Variants in GGN observed in about 807,000 individuals in gnomAD.
The protein encoded by GGN is gametogenetin.
In GGN, 27 loss-of-function variants were observed where a neutral mutation model predicts 35.5. The ratio of observed to expected loss-of-function variants is 0.76; its 90% confidence interval spans 0.56 to 1.05. GGN has a LOEUF of 1.05. GGN is among the 50% of genes least tolerant of loss of function. GGN has a pLI of 0.00. For synonymous variants in GGN, 425 were observed against 444.1 expected (o/e 0.96, Z 0.54); for missense variants, 1,006 against 940.7 (o/e 1.07, Z -0.91).
intron 3 of GGN, 135 bp downstream of exon 3, chr19:38,385,286 G>T (rs1970688869): frequency 2.5e-6 from 3 of 1,206,740 alleles, no homozygotes; most frequent in Non-Finnish European, 2.3e-6. Flanking sequence ...CTGAAGGGTG[G>T]GAGCTCAGCT....
At position 38,386,750 on chromosome 19, in the gene GGN, C is replaced by T. The variant is rs1158049805; in HGVS notation, c.512G>A (p.Trp171Ter). ...AGAAGGTAATGGTGGTGGCGGCTTC[C>T]AAGTCTCCAGGGGCGGCGGAAATTG... The part of the protein sequence containing the change: ...PSQFPPPLET[W>*]KPPPPLPSER... Residue 171 changes from tryptophan (W) to a stop codon, truncating the protein, a stop_gained, in exon 3 of 4, where the codon TGG becomes TAG. Coordinates refer to ENST00000334928, the MANE Select transcript of GGN (RefSeq NM_152657.4). LOFTEE classifies it high-confidence loss of function. 2 of 1,609,712 alleles carry T rather than the reference C, an allele frequency of 1.2e-6. No individual in the cohort carries two copies. The highest frequency in any genetic ancestry group is 1.7e-5 in the Admixed American group (1 of 59,688).
chr19:38,385,805 G>C lies in GGN; in HGVS notation c.1457C>G (p.Pro486Arg). The C allele has an allele frequency of 6.5e-7, 1 of 1,542,734 alleles. No individual in the cohort carries two copies. Among genetic ancestry groups the C allele is most frequent in the Non-Finnish European group, 8.7e-7 (1 of 1,148,708 alleles). The change falls in exon 3 of 4, where the codon CCA becomes CGA. Residue 486 changes from proline to arginine, a missense_variant. By Grantham distance (103) the Pro-to-Arg change is moderately radical. Coordinates refer to ENST00000334928, the MANE Select transcript of GGN (RefSeq NM_152657.4). ...CGGGGCCTGGTCGGCGGCTAAGGCT[G>C]GGGGCAGAGCAGGGGCTGCGGTGGG... ...LAPTAAPALP[P>R]ALAADQAPAP...
In GGN at chr19:38,385,765, A is replaced by AGCCTGGGATGGGGCCGGGGCCGGG; in HGVS notation, c.1496_1497insCCCGGCCCCGGCCCCATCCCAGGC (p.Pro502_Thr503insAlaProSerGlnAlaProAlaPro). 6.3e-7 allele frequency: 1 copy of AGCCTGGGATGGGGCCGGGGCCGGG among 1,575,742 alleles called. No homozygotes were observed. Among genetic ancestry groups the AGCCTGGGATGGGGCCGGGGCCGGG allele is most frequent in the East Asian group, 2.3e-5 (1 of 43,448 alleles). The stretch of plus-strand genomic sequence containing the variant: ...AGGGCTCAGCCACGGTGGGAGCTGG[A>AGCCTGGGATGGGGCCGGGGCCGGG]GCCGGGGATGGGGCCGGGGCCTGGT... On this transcript the variant is annotated inframe_insertion, in exon 3 of 4. Transcript: ENST00000334928.
In GGN at chr19:38,387,392, C is replaced by A; in HGVS notation, c.-19-112G>T. 1 of 1,431,716 alleles carries A rather than the reference C, an allele frequency of 7.0e-7. No individual in the cohort carries two copies. The highest frequency in any genetic ancestry group is 2.5e-5 in the East Asian group (1 of 39,800). The allele number at this position is 1,431,716 out of a possible 1,614,324, so 88.7% of individuals were successfully genotyped here. The stretch of plus-strand genomic sequence containing the variant: ...CGGCCCCGCCCCTGTTCTCCAAGAT[C>A]CGATCAGGCCCAAGTCCTTAGGTCG... On this transcript the variant is annotated intron_variant, in intron 2 of 3. Coordinates refer to ENST00000334928, the MANE Select transcript of GGN (RefSeq NM_152657.4). This position sits in a 1 kb window ranked among gnomAD's most constrained non-coding sequence, Gnocchi z 5.3.
rs763820569 is a variant in GGN, at chr19:38,387,232, C to T, written c.30G>A (p.Ala10=). 19 of 1,596,326 alleles carry T rather than the reference C, an allele frequency of 1.2e-5. No homozygotes were observed. The highest frequency in any genetic ancestry group is 1.4e-5 in the Non-Finnish European group (17 of 1,172,608). The stretch of plus-strand genomic sequence containing the variant: ...GCTGCACTTTTCGGGAGCCCCCGCC[C>T]GCGGATGGCTCCGACTGCAAGTTCC... The part of the protein sequence containing the change: MGNLQSEPS[A]GGGSRKVQPS... Residue 10 remains alanine (A), a synonymous_variant, in exon 3 of 4, where the codon GCG becomes GCA. Coordinates refer to ENST00000334928, the MANE Select transcript of GGN (RefSeq NM_152657.4). This position sits in a 1 kb window ranked among gnomAD's most constrained non-coding sequence, Gnocchi z 5.3.
At position 38,385,863 on chromosome 19, in the gene GGN, G is replaced by A. The variant is rs985036226; in HGVS notation, c.1399C>T (p.Pro467Ser). 1.3e-6 allele frequency: 2 copies of A among 1,544,780 alleles called. No homozygotes were observed. The highest frequency in any genetic ancestry group is 1.7e-6 in the Non-Finnish European group (2 of 1,148,298). The change falls in exon 3 of 4, where the codon CCG becomes TCG. Residue 467 changes from proline to serine, a missense_variant. Pro to Ser is a moderately conservative substitution (Grantham distance 74, BLOSUM62 -1). Transcript: ENST00000334928. Reference sequence around the variant, plus strand: ...GCTGACTCCTTGTGGCCCAGACCCGGGGTGAGCGGGGGAGCCACCGGCAGC... The same window carrying A: ...GCTGACTCCTTGTGGCCCAGACCCGAGGTGAGCGGGGGAGCCACCGGCAGC... ...TPLPVAPPLT[P>S]GLGHKESALA... is the part of the protein sequence containing the mutation.
chr19:38,385,586 C>T lies in GGN; in HGVS notation c.1676G>A (p.Ser559Asn), dbSNP rs1970695809. ...GCTGCCACCACCCCCTCCACCACTG[C>T]TGTCAGGCACGGTAGCTGTAGCTCG... is the stretch of plus-strand genomic sequence containing the variant. Reference protein sequence around the residue: ...RERATATVPDSSGGGGGGSGA... With the variant: ...RERATATVPDNSGGGGGGSGA... Residue 559 changes from serine (S) to asparagine (N), a missense_variant, in exon 3 of 4, where the codon AGC becomes AAC. By Grantham distance (46) the Ser-to-Asn change is conservative. Transcript: ENST00000334928. 6.2e-7 allele frequency: 1 copy of T among 1,614,184 alleles called. No homozygotes were observed. Among genetic ancestry groups the T allele is most frequent in the Non-Finnish European group, 8.5e-7 (1 of 1,180,022 alleles).
In GGN at chr19:38,386,826, G is replaced by T. The variant is rs1238664863; in HGVS notation, c.436C>A (p.Pro146Thr). ...PPSLRPLKPP[P>T]PPRQLSVKDT... ...TTCACGGATAGTTGCCGGGGCGGCG[G>T]CGGCGGCTTCAGCGGGCGGAGGCTC... Residue 146 changes from proline (P) to threonine (T), a missense_variant, in exon 3 of 4, where the codon CCG (proline) becomes ACG (threonine). By Grantham distance (38) the Pro-to-Thr change is conservative. Transcript: ENST00000334928. 6.2e-7 allele frequency: 1 copy of T among 1,608,212 alleles called. No homozygotes were observed. The highest frequency in any genetic ancestry group is 2.2e-5 in the East Asian group (1 of 44,704).
rs1040687487 is a variant in GGN at position 38,386,278 on chromosome 19, C to T, written c.984G>A (p.Ala328=). Reference sequence around the variant, plus strand: ...GTAGGGCCCGGGCTTGGGACGCAGGCGCCGAGGGAGGACCAGAGCACCCTT... The same window carrying T: ...GTAGGGCCCGGGCTTGGGACGCAGGTGCCGAGGGAGGACCAGAGCACCCTT... ...DGEGCSGPPS[A]PASQARALPP... Residue 328 remains alanine (A), a synonymous_variant, in exon 3 of 4, where the codon GCG becomes GCA. Transcript: ENST00000334928. The T allele has an allele frequency of 6.2e-7, 1 of 1,609,448 alleles. No homozygotes were observed. Among genetic ancestry groups the T allele is most frequent in the South Asian group, 1.1e-5 (1 of 90,748 alleles).
At position 38,384,377 on chromosome 19, in the gene GGN, G is replaced by A. The variant is rs201908140; in HGVS notation, c.*35C>T. 8 of 1,451,858 alleles carry A rather than the reference G, an allele frequency of 5.5e-6. No individual in the cohort carries two copies. Among genetic ancestry groups the A allele is most frequent in the Non-Finnish European group, 7.7e-6 (8 of 1,033,714 alleles). 89.9% of individuals were successfully genotyped at this position (1,451,858 alleles called of 1,614,324 possible). A position where few individuals can be genotyped will look rare whatever the true frequency, so the allele number is the denominator to read the frequency against. ...TCTGGATTGGTTATTTTATTGGCAT[G>A]GAGGGGAAGGTGGAGGGTGTTGAGC... On this transcript the variant is annotated 3_prime_UTR_variant, in exon 4 of 4. Transcript: ENST00000334928.
At position 38,386,593 on chromosome 19, in the gene GGN, A is replaced by C. The variant is rs1381619162; in HGVS notation, c.669T>G (p.His223Gln). Residue 223 changes from histidine (H) to glutamine (Q), a missense_variant, in exon 3 of 4, where the codon CAT (histidine) becomes CAG (glutamine). Physicochemically the swap from His to Gln is conservative, Grantham distance 24 (BLOSUM62 0). Coordinates refer to ENST00000334928, the MANE Select transcript of GGN (RefSeq NM_152657.4). The stretch of plus-strand genomic sequence containing the variant: ...GCTGGGCCATTTCGCCTTCGCCCGC[A>C]TGGGGAGGCGCCCCTCCGCGAGCCC... ...AGRARGGAPPHAGEGEMAQPA... is the reference protein window; with the variant it reads ...AGRARGGAPPQAGEGEMAQPA... The C allele has an allele frequency of 1.2e-6, 2 of 1,613,140 alleles. No individual in the cohort carries two copies. The highest frequency in any genetic ancestry group is 1.1e-5 in the South Asian group (1 of 91,070).
chr19:38,388,281 G>A (rs1038288004), upstream of GGN: 5 of 369,294 alleles, frequency 1.4e-5, no homozygotes, highest in Admixed American at 2.3e-4. Flanking sequence ...CCGTGGGCCC[G>A]CCCCTTCGTG....
Position 38,385,785 on chromosome 19 carries a change from C to CCGGGGCCGGGGATGGGGCCGGGGA in GGN, c.1476_1477insTCCCCGGCCCCATCCCCGGCCCCG (p.Gln492_Ala493insSerProAlaProSerProAlaPro). Reference sequence around the variant, plus strand: ...GCTGGAGCCGGGGATGGGGCCGGGGCCTGGTCGGCGGCTAAGGCTGGGGGC... The same window carrying CCGGGGCCGGGGATGGGGCCGGGGA: ...GCTGGAGCCGGGGATGGGGCCGGGGCCGGGGCCGGGGATGGGGCCGGGGACTGGTCGGCGGCTAAGGCTGGGGGC... On this transcript the variant is annotated inframe_insertion, in exon 3 of 4. Coordinates refer to ENST00000334928, the MANE Select transcript of GGN (RefSeq NM_152657.4). 6.4e-7 allele frequency: 1 copy of CCGGGGCCGGGGATGGGGCCGGGGA among 1,555,680 alleles called. No individual in the cohort carries two copies.
chr19:38,386,302 T>A lies in GGN; in HGVS notation c.960A>T (p.Glu320Asp), dbSNP rs564208599. ...GCGCCGAGGGAGGACCAGAGCACCC[T>A]TCGCCGTCTCCATCACCTCCCTCGG... is the stretch of plus-strand genomic sequence containing the variant. The part of the protein sequence containing the change: ...QEAEGGDGDG[E>D]GCSGPPSAPA... The change falls in exon 3 of 4, where the codon GAA becomes GAT. Residue 320 changes from glutamate (E) to aspartate (D), a missense_variant. Transcript: ENST00000334928. 2 of 1,610,666 alleles carry A rather than the reference T, an allele frequency of 1.2e-6. No individual in the cohort carries two copies. Among genetic ancestry groups the A allele is most frequent in the South Asian group, 2.2e-5 (2 of 90,690 alleles).
At position 38,386,142 on chromosome 19, in the gene GGN, C is replaced by T; in HGVS notation, c.1120G>A (p.Gly374Arg). 2 of 1,582,496 alleles carry T rather than the reference C, an allele frequency of 1.3e-6. No homozygotes were observed. Among genetic ancestry groups the T allele is most frequent in the East Asian group, 2.3e-5 (1 of 43,598 alleles). ...FRFNGAGGGI[G>R]APRRRAAALS... ...GCGGCCGCACGCCGTCGCGGCGCCC[C>T]GATGCCTCCGCCAGCCCCGTTGAAG... Residue 374 changes from glycine to arginine, a missense_variant, in exon 3 of 4, where the codon GGG (glycine) becomes AGG (arginine). Coordinates refer to ENST00000334928, the MANE Select transcript of GGN (RefSeq NM_152657.4).
At position 38,385,658 on chromosome 19, in the gene GGN, C is replaced by T. The variant is rs1304027128; in HGVS notation, c.1604G>A (p.Arg535Gln). Residue 535 changes from arginine (R) to glutamine (Q), a missense_variant, in exon 3 of 4, where the codon CGG becomes CAG. Transcript: ENST00000334928. The part of the protein sequence containing the change: ...TRRNKGSRAA[R>Q]GATRKDGLHG... ...CAAGCCATCCTTACGGGTCGCGCCC[C>T]GGGCTGCACGGGAACCCTTGTTCCT... is the stretch of plus-strand genomic sequence containing the variant. The T allele has an allele frequency of 6.2e-7, 1 of 1,613,870 alleles. No homozygotes were observed. The highest frequency in any genetic ancestry group is 1.7e-5 in the Admixed American group (1 of 60,032).
In GGN at chr19:38,385,681, C is replaced by A. The variant is rs751986672; in HGVS notation, c.1581G>T (p.Arg527Ser). The change falls in exon 3 of 4, where the codon AGG (arginine) becomes AGT (serine). Residue 527 changes from arginine (R) to serine (S), a missense_variant. By Grantham distance (110) the Arg-to-Ser change is moderately radical. Transcript: ENST00000334928. ...CCCGGGCTGCACGGGAACCCTTGTT[C>A]CTGCGCGTGCGGGTCTTGATGGGCG... is the stretch of plus-strand genomic sequence containing the variant. The part of the protein sequence containing the change: ...AAAPIKTRTR[R>S]NKGSRAARGA... The A allele has an allele frequency of 1.9e-6, 3 of 1,613,562 alleles. No homozygotes were observed. The highest frequency in any genetic ancestry group is 2.5e-6 in the Non-Finnish European group (3 of 1,179,918).
intron 3 of GGN, among the ~76,000 whole-genome samples, chr19:38,385,039 A>G (rs1970685020): frequency 6.6e-6 from 1 of 152,188 alleles, no homozygotes; most frequent in African/African-American, 2.4e-5. Flanking sequence ...GAAGACAGTC[A>G]TCCCCTCACC....
In GGN at chr19:38,386,283, A is replaced by G; in HGVS notation, c.979T>C (p.Ser327Pro). ...GDGEGCSGPP[S>P]APASQARALP... ...GCCCGGGCTTGGGACGCAGGCGCCG[A>G]GGGAGGACCAGAGCACCCTTCGCCG... The change falls in exon 3 of 4, where the codon TCG becomes CCG. Residue 327 changes from serine to proline, a missense_variant. By Grantham distance (74) the Ser-to-Pro change is moderately conservative. Coordinates refer to ENST00000334928, the MANE Select transcript of GGN (RefSeq NM_152657.4). 4 of 1,609,726 alleles carry G rather than the reference A, an allele frequency of 2.5e-6. No individual in the cohort carries two copies. Among genetic ancestry groups the G allele is most frequent in the Non-Finnish European group, 3.4e-6 (4 of 1,177,846 alleles).
Sources: gnomAD v4.1 joint callset for allele counts (sites outside exome capture counted in the v4.1 genomes callset) on GRCh38, gnomAD v4.1.1 for gene constraint, Gnocchi (gnomAD v3.1) non-coding constraint, MANE v1.5 for transcripts, NCBI Gene and HGNC (gene_info 2026-07-23, HGNC 2026-07-21) for gene names.